KCNIP1: variants seen among roughly 807,000 people sequenced by gnomAD.
KCNIP1 encodes the protein A-type potassium channel modulatory protein KCNIP1.
Under a neutral mutation model 33.0 loss-of-function variants are expected in KCNIP1, and 18 were observed. The observed-to-expected ratio is 0.55, with a 90% CI of 0.38 to 0.81. KCNIP1 has a LOEUF of 0.81. KCNIP1 is among the 30% of genes least tolerant of loss of function. KCNIP1 has a pLI of 0.00. For synonymous variants in KCNIP1, 93 were observed against 98.3 expected (o/e 0.95, Z 0.32); for missense variants, 238 against 271.6 (o/e 0.88, Z 0.87).
At chr5:170,710,127 A>G (rs1763395627) in intron 1 of KCNIP1, among the ~76,000 whole-genome samples, 1 of 152,208 alleles carries the variant, frequency 6.6e-6, no homozygotes, top group South Asian at 2.1e-4. Context: ...TAGGCCTCCC[A>G]AAGTGCTGGG....
intron 1 of KCNIP1, among the ~76,000 whole-genome samples, chr5:170,666,039 C>G (rs1441006058): frequency 6.6e-6 from 1 of 152,196 alleles, no homozygotes; most frequent in Non-Finnish European, 1.5e-5. Flanking sequence ...CTCTTACACA[C>G]TGGGCTCTTT....
chr5:170,624,562 A>G (rs1001643021), intron 1 of KCNIP1, among the ~76,000 whole-genome samples: 2 of 151,792 alleles, frequency 1.3e-5, no homozygotes, highest in Admixed American at 6.6e-5. Context: ...TCACAATAAT[A>G]ATTTCAGTTT....
chr5:170,377,192 C>T (rs1764037928), intron 1 of KCNIP1: 1 of 152,334 alleles, frequency 6.6e-6, no homozygotes, highest in South Asian at 2.1e-4. Flanking sequence ...ACGCTCACTT[C>T]CTACACCGGT....
chr5:170,530,089 C>T (rs996452137), intron 1 of KCNIP1, among the ~76,000 whole-genome samples: 12 of 152,194 alleles, frequency 7.9e-5, no homozygotes, highest in African/African-American at 2.7e-4. Flanking sequence ...ATTTGTTTGT[C>T]CTAACCCTTG....
chr5:170,585,993 G>A (rs1428622183), intron 1 of KCNIP1, among the ~76,000 whole-genome samples: 1 of 152,156 alleles, frequency 6.6e-6, no homozygotes, highest in Non-Finnish European at 1.5e-5. Context: ...ACAGCCTTTG[G>A]GGTTAGATGT....
upstream of KCNIP1, among the ~76,000 whole-genome samples, chr5:170,501,872 G>A (rs1040334981): frequency 3.9e-5 from 6 of 152,166 alleles, no homozygotes; most frequent in East Asian, 1.9e-4. Flanking sequence ...CCCTCTTCTC[G>A]AACAGAGAAG....
At chr5:170,406,514 G>A (rs998969043) in intron 1 of KCNIP1, among the ~76,000 whole-genome samples, 1 of 152,210 alleles carries the variant, frequency 6.6e-6, no homozygotes, top group Non-Finnish European at 1.5e-5. Flanking sequence ...ATGGCAGGTA[G>A]CAATAATTAC....
At chr5:170,512,510 G>A (rs1187037336) in intron 1 of KCNIP1, among the ~76,000 whole-genome samples, 1 of 152,214 alleles carries the variant, frequency 6.6e-6, no homozygotes, top group Non-Finnish European at 1.5e-5. Flanking sequence ...CAACTCATTA[G>A]CTGTGTGACA....
intron 1 of KCNIP1, among the ~76,000 whole-genome samples, chr5:170,436,951 A>G (rs6896882): frequency 0.35 from 53,757 of 152,132 alleles, 9,684 homozygotes; most frequent in South Asian, 0.42. Flanking sequence ...CAGACTCACA[A>G]GAGAAAAGCA....
intron 1 of KCNIP1, among the ~76,000 whole-genome samples, chr5:170,463,779 T>C (rs887900629): frequency 1.3e-5 from 2 of 152,204 alleles, no homozygotes; most frequent in African/African-American, 4.8e-5. Context: ...ATGTCTGCTC[T>C]CAGCACTTTT....
chr5:170,735,796 A>G lies in KCNIP1; in HGVS notation c.641A>G (p.Asn214Ser). ...NIMRSLQLFQ[N>S]VM is the part of the protein sequence containing the mutation. Reference sequence around the variant, plus strand: ...ATGAGGTCTCTCCAGCTGTTTCAAAATGTCATGTAACTGGTGACACTCAGC... The same window carrying G: ...ATGAGGTCTCTCCAGCTGTTTCAAAGTGTCATGTAACTGGTGACACTCAGC... The change falls in exon 8 of 8, where the codon AAT becomes AGT. Residue 214 changes from asparagine to serine, a missense_variant. Coordinates refer to ENST00000328939, the MANE Select transcript of KCNIP1 (RefSeq NM_014592.4). 6.2e-7 allele frequency: 1 copy of G among 1,614,034 alleles called. No individual in the cohort carries two copies. The highest frequency in any genetic ancestry group is 8.5e-7 in the Non-Finnish European group (1 of 1,179,952).
chr5:170,546,563 C>T (rs1581305998), intron 1 of KCNIP1, among the ~76,000 whole-genome samples: 1 of 152,344 alleles, frequency 6.6e-6, no homozygotes, highest in African/African-American at 2.4e-5. Flanking sequence ...CGTCCAGAAT[C>T]AGCAGTTGCC....
chr5:170,577,789 G>A (rs1019132255), intron 1 of KCNIP1, among the ~76,000 whole-genome samples: 1 of 152,144 alleles, frequency 6.6e-6, no homozygotes, highest in Admixed American at 6.5e-5. Flanking sequence ...GAACAAAGAT[G>A]TTCAATGAAG....
intron 1 of KCNIP1, among the ~76,000 whole-genome samples, chr5:170,614,861 G>A (rs897247397): frequency 1.3e-5 from 2 of 152,154 alleles, no homozygotes; most frequent in African/African-American, 4.8e-5. Context: ...CTGTTTCTCT[G>A]TTGTTTACAC....
At chr5:170,593,158 A>G (rs1323099844) in intron 1 of KCNIP1, among the ~76,000 whole-genome samples, 1 of 152,230 alleles carries the variant, frequency 6.6e-6, no homozygotes, top group Non-Finnish European at 1.5e-5. Context: ...CCATGCACAT[A>G]TACTACATTT....
chr5:170,690,502 T>C (rs1462864858), intron 1 of KCNIP1, among the ~76,000 whole-genome samples: 1 of 152,262 alleles, frequency 6.6e-6, no homozygotes, highest in Non-Finnish European at 1.5e-5. Context: ...AAGTTCCATC[T>C]GACAAATAGA....
At chr5:170,697,851 C>T (rs1396115999) in intron 1 of KCNIP1, among the ~76,000 whole-genome samples, 1 of 152,098 alleles carries the variant, frequency 6.6e-6, no homozygotes, top group Non-Finnish European at 1.5e-5. Context: ...CCCCAATGGC[C>T]TTGGGAAATT....
chr5:170,631,779 T>C (rs1265594356), intron 1 of KCNIP1, among the ~76,000 whole-genome samples: 1 of 152,256 alleles, frequency 6.6e-6, no homozygotes, highest in Admixed American at 6.5e-5. Flanking sequence ...GCCTCTGGGC[T>C]CCCCAAGGCC....
intron 1 of KCNIP1, among the ~76,000 whole-genome samples, chr5:170,619,820 T>C (rs1489107443): frequency 6.6e-6 from 1 of 152,186 alleles, no homozygotes; most frequent in Non-Finnish European, 1.5e-5. Flanking sequence ...ATTAGCATAT[T>C]CTGCAAATTC....
Sources: allele counts gnomAD v4.1 joint callset (sites outside exome capture counted in the v4.1 genomes callset), GRCh38; gene constraint gnomAD v4.1.1; transcripts MANE v1.5; gene names NCBI Gene and HGNC (gene_info 2026-07-23, HGNC 2026-07-21).